Variants in PAX9 observed in about 807,000 individuals in gnomAD.
The protein encoded by PAX9 is paired box 9.
Under a neutral mutation model 29.1 loss-of-function variants are expected in PAX9, and 6 were observed. The observed-to-expected ratio is 0.21, with a 90% CI of 0.11 to 0.41. The LOEUF (loss-of-function observed/expected upper bound fraction) is 0.41, where lower values mean the gene tolerates loss of function less well. Ranked by LOEUF, PAX9 falls within the 10% of genes least tolerant of loss-of-function variation. The pLI is 1.00. For missense variants in PAX9, 443 were observed against 479.1 expected (o/e 0.92, Z 0.70); for synonymous variants, 217 against 211.7 (o/e 1.03, Z -0.22).
At position 36,678,434 on chromosome 14, in the gene PAX9, T is replaced by C; in HGVS notation, c.*1982T>C. 3.5e-6 allele frequency: 5 copies of C among 1,423,848 alleles called. No individual in the cohort carries two copies. The highest frequency in any genetic ancestry group is 4.8e-6 in the Non-Finnish European group (5 of 1,043,456). The allele number at this position is 1,423,848 out of a possible 1,614,324, so 88.2% of individuals were successfully genotyped here. A position where few individuals can be genotyped will look rare whatever the true frequency, so the allele number is the denominator to read the frequency against. On this transcript the variant is annotated 3_prime_UTR_variant, in exon 4 of 4. Transcript: ENST00000361487. ...AGGAGCAGATGAACTCTCAGGGCCATAGTCTTCCTTTGATCTTGTAAAACT... is the reference window on the plus strand; with the variant it reads ...AGGAGCAGATGAACTCTCAGGGCCACAGTCTTCCTTTGATCTTGTAAAACT...
intron 3 of PAX9, among the ~76,000 whole-genome samples, chr14:36,667,092 T>A (rs902175483): frequency 1.3e-5 from 2 of 152,080 alleles, no homozygotes; most frequent in Non-Finnish European, 2.9e-5. Context: ...GTCCTCACGT[T>A]CGGACTTTCT....
chr14:36,661,273 C>T (rs750905080), upstream of PAX9, among the ~76,000 whole-genome samples: 2 of 152,228 alleles, frequency 1.3e-5, no homozygotes, highest in Non-Finnish European at 1.5e-5. Flanking sequence ...GAGGAACCTC[C>T]CTGGCCTTAA....
intron 3 of PAX9, chr14:36,671,065 T>A (rs1456714276): frequency 4.6e-6 from 2 of 437,362 alleles, no homozygotes; most frequent in Non-Finnish European, 9.1e-6. Context: ...AACTTTTTCT[T>A]GCTTATGATA....
rs1881968773 is a variant in PAX9, at chr14:36,677,776, C to G, written c.*1324C>G. On this transcript the variant is annotated 3_prime_UTR_variant, in exon 4 of 4. Transcript: ENST00000361487. Reference sequence around the variant, plus strand: ...TTTAACAAATTCCCTTTATTCATTTCTGAAATTACAGGACACAGTTTAACT... The same window carrying G: ...TTTAACAAATTCCCTTTATTCATTTGTGAAATTACAGGACACAGTTTAACT... 1 of 152,146 alleles carries G rather than the reference C, an allele frequency of 6.6e-6. No homozygotes were observed. The highest frequency in any genetic ancestry group is 1.5e-5 in the Non-Finnish European group (1 of 68,026). The allele number at this position is 152,146 out of a possible 1,614,324, so 9.4% of individuals were successfully genotyped here. A position where few individuals can be genotyped will look rare whatever the true frequency, so the allele number is the denominator to read the frequency against.
In PAX9 at chr14:36,676,532, C is replaced by A; in HGVS notation, c.*80C>A. On this transcript the variant is annotated 3_prime_UTR_variant, in exon 4 of 4. Transcript: ENST00000361487. ...TCCCCCAATTCCCAGGTCTCACATCCCACCCCTCCTGCCCTCCAACCCTTC... is the reference window on the plus strand; with the variant it reads ...TCCCCCAATTCCCAGGTCTCACATCACACCCCTCCTGCCCTCCAACCCTTC... 1 of 1,521,186 alleles carries A rather than the reference C, an allele frequency of 6.6e-7. No homozygotes were observed. Among genetic ancestry groups the A allele is most frequent in the East Asian group, 2.3e-5 (1 of 43,582 alleles). 94.2% of individuals were successfully genotyped at this position (1,521,186 alleles called of 1,614,324 possible). A position where few individuals can be genotyped will look rare whatever the true frequency, so the allele number is the denominator to read the frequency against.
In PAX9 at chr14:36,663,519, C is replaced by G; in HGVS notation, c.627C>G (p.Asp209Glu). Residue 209 changes from aspartate to glutamate, a missense_variant, in exon 2 of 4, where the codon GAC becomes GAG. By Grantham distance (45) the Asp-to-Glu change is conservative. This residue lies in a region of PAX9 where 336 missense variants were observed against 317.2 expected (regional missense o/e 1.06). Coordinates refer to ENST00000361487, the MANE Select transcript of PAX9 (RefSeq NM_001372076.1). ...TCCTGGGCATCCGCTCCATCACCGA[C>G]CAAGGTAGGGGCTCAGAGGCTGGGC... The part of the protein sequence containing the change: ...TDILGIRSIT[D>E]QVSDSSPYHS... The G allele has an allele frequency of 6.2e-7, 1 of 1,612,842 alleles. No individual in the cohort carries two copies. The highest frequency in any genetic ancestry group is 8.5e-7 in the Non-Finnish European group (1 of 1,179,912).
At chr14:36,675,444 G>A (rs185618389) in intron 3 of PAX9, among the ~76,000 whole-genome samples, 1 of 152,258 alleles carries the variant, frequency 6.6e-6, no homozygotes, top group East Asian at 1.9e-4. Context: ...TTATCCACGT[G>A]GCTTTTAAAA....
intron 3 of PAX9, among the ~76,000 whole-genome samples, chr14:36,669,576 A>AT (rs1356042898): frequency 2.0e-5 from 3 of 152,268 alleles, no homozygotes; most frequent in African/African-American, 7.2e-5. Context: ...CTTAAAGCAT[A>AT]TTTTTCTTGA....
In PAX9 at chr14:36,676,721, T is replaced by A; in HGVS notation, c.*269T>A. On this transcript the variant is annotated 3_prime_UTR_variant, in exon 4 of 4. Transcript: ENST00000361487. Reference sequence around the variant, plus strand: ...AGACATTTGTGTTGCCCACATACTGTCTTAACATAACAAAGAAACCTACAC... The same window carrying A: ...AGACATTTGTGTTGCCCACATACTGACTTAACATAACAAAGAAACCTACAC... The A allele has an allele frequency of 2.0e-6, 1 of 499,576 alleles. No individual in the cohort carries two copies. Among genetic ancestry groups the A allele is most frequent in the Admixed American group, 3.2e-5 (1 of 30,878 alleles). The allele number at this position is 499,576 out of a possible 1,614,324, so 30.9% of individuals were successfully genotyped here. A position where few individuals can be genotyped will look rare whatever the true frequency, so the allele number is the denominator to read the frequency against.
chr14:36,662,680 CCGGCA>C (rs1483337123), intron 1 of PAX9: 1 of 611,772 alleles, frequency 1.6e-6, no homozygotes, highest in East Asian at 2.8e-5. Context: ...GTAGGGGCCT[CCGGCA>C]CGGCAGGAAT....
chr14:36,658,304 T>A (rs1182880314), upstream of PAX9, among the ~76,000 whole-genome samples: 1 of 150,130 alleles, frequency 6.7e-6, no homozygotes, highest in African/African-American at 2.5e-5. Flanking sequence ...CCTCGGACTC[T>A]GGCTGTCTTA....
chr14:36,678,816 T>A lies in PAX9; in HGVS notation c.*2364T>A. ...TGAAGTTTCCTTTTCTCCCTCTAGG[T>A]CTTAACAGTGAATTCACATGGAGTA... On this transcript the variant is annotated 3_prime_UTR_variant, in exon 4 of 4. Transcript: ENST00000361487. The A allele has an allele frequency of 1.0e-6, 1 of 1,001,044 alleles. No individual in the cohort carries two copies. Among genetic ancestry groups the A allele is most frequent in the Non-Finnish European group, 1.2e-6 (1 of 831,610 alleles). 62.0% of individuals were successfully genotyped at this position (1,001,044 alleles called of 1,614,324 possible). A position where few individuals can be genotyped will look rare whatever the true frequency, so the allele number is the denominator to read the frequency against.
intron 2 of PAX9, among the ~76,000 whole-genome samples, chr14:36,664,166 A>G (rs1329603462): frequency 3.3e-5 from 5 of 152,192 alleles, no homozygotes; most frequent in Non-Finnish European, 7.3e-5. Flanking sequence ...TCCCAGACGA[A>G]GTCATATTCA....
chr14:36,659,733 T>C, upstream of PAX9, among the ~76,000 whole-genome samples: 1 of 152,166 alleles, frequency 6.6e-6, no homozygotes, highest in Non-Finnish European at 1.5e-5. Context: ...AAGGGAGAGA[T>C]GGCATTGAAC....
At position 36,671,500 on chromosome 14, in the gene PAX9, C is replaced by T. The variant is rs572737800; in HGVS notation, c.772-4698C>T. On this transcript the variant is annotated intron_variant, in intron 3 of 3. Coordinates refer to ENST00000361487, the MANE Select transcript of PAX9 (RefSeq NM_001372076.1). The stretch of plus-strand genomic sequence containing the variant: ...AGTGTAATGCTTGTTTTGTGATAAA[C>T]GGTGCCTACATTTTTGCTTTGTTTT... 8.3e-5 allele frequency among the ~76,000 whole-genome samples: 12 copies of T among 145,006 alleles called. No homozygotes were observed. The South Asian group carries it at 8.3e-4, about 10-fold the overall frequency.
In PAX9 at chr14:36,677,917, G is replaced by A. The variant is rs934022081; in HGVS notation, c.*1465G>A. On this transcript the variant is annotated 3_prime_UTR_variant, in exon 4 of 4. Transcript: ENST00000361487. ...TATTTTAAAACAATTGATTTTCTGGGGCAAAATTCTACAGTTTTTAATCCC... is the reference window on the plus strand; with the variant it reads ...TATTTTAAAACAATTGATTTTCTGGAGCAAAATTCTACAGTTTTTAATCCC... 2.0e-5 allele frequency: 3 copies of A among 152,592 alleles called. No individual in the cohort carries two copies. The highest frequency in any genetic ancestry group is 7.2e-5 in the African/African-American group (3 of 41,412). The allele number at this position is 152,592 out of a possible 1,614,324, so 9.5% of individuals were successfully genotyped here. A position where few individuals can be genotyped will look rare whatever the true frequency, so the allele number is the denominator to read the frequency against.
rs1200209085 is a variant in PAX9 at position 36,666,478 on chromosome 14, C to G, written c.648C>G (p.Pro216=). 2.5e-6 allele frequency: 4 copies of G among 1,611,032 alleles called. No individual in the cohort carries two copies. In the South Asian group the frequency reaches 3.3e-5, roughly 13 times the overall value. ...CTCCATCAGTGAGCGACAGCTCCCC[C>G]TACCACAGCCCCAAGGTGGAGGAGT... ...SITDQVSDSS[P]YHSPKVEEWS... is the part of the protein sequence containing the mutation. The change falls in exon 3 of 4, where the codon CCC becomes CCG. Residue 216 remains proline (P), a synonymous_variant. Transcript: ENST00000361487.
chr14:36,666,389 G>A, intron 2 of PAX9, 73 bp from the exon 3 acceptor site: 2 of 1,558,722 alleles, frequency 1.3e-6, no homozygotes, highest in South Asian at 1.2e-5. Context: ...TCCGTCGCGG[G>A]TTTGGGTCCC....
At chr14:36,674,528 A>G (rs1881812667) in intron 3 of PAX9, among the ~76,000 whole-genome samples, 2 of 152,262 alleles carry the variant, frequency 1.3e-5, no homozygotes, top group African/African-American at 2.4e-5. Context: ...TGATTTAAAA[A>G]ATGCAGCAGC....
Sources: allele counts gnomAD v4.1 joint callset (sites outside exome capture counted in the v4.1 genomes callset), GRCh38; gene constraint gnomAD v4.1.1; regional missense constraint gnomAD v4.1.1; transcripts MANE v1.5; gene names NCBI Gene and HGNC (gene_info 2026-07-23, HGNC 2026-07-21).